RGS13: variants seen among roughly 807,000 people sequenced by gnomAD.
RGS13 encodes regulator of G-protein signalling 13.
A neutral mutation model predicts 19.9 loss-of-function variants in RGS13; 14 were observed. That is an observed-to-expected ratio of 0.70 (90% CI 0.46 to 1.10). RGS13 has a LOEUF of 1.10. Among genes scored for constraint, RGS13 ranks in the 50% least tolerant of loss-of-function variants. RGS13 has a pLI of 0.00. For missense variants in RGS13, 205 were observed against 187.1 expected (o/e 1.10, Z -0.56); for synonymous variants, 60 against 56.8 (o/e 1.06, Z -0.25).
In RGS13 at chr1:192,641,151, A is replaced by G. The variant is rs530562604; in HGVS notation, c.-5+2948A>G. Among the ~76,000 whole-genome samples, 15 of 151,488 alleles carry G rather than the reference A, an allele frequency of 9.9e-5. No homozygotes were observed. In the South Asian group the frequency reaches 1.3e-3, roughly 13 times the overall value. On this transcript the variant is annotated intron_variant, in intron 3 of 6. Coordinates refer to ENST00000391995, the MANE Select transcript of RGS13 (RefSeq NM_002927.5). The stretch of plus-strand genomic sequence containing the variant: ...AAAGATGGAAGGAAGGAAAGAAAGA[A>G]AGAGGAAAGAAAGAGAGAGAAAGAA...
chr1:192,653,544 T>C (rs1161506450), intron 5 of RGS13, among the ~76,000 whole-genome samples: 5 of 152,068 alleles, frequency 3.3e-5, no homozygotes, highest in Admixed American at 3.3e-4. Flanking sequence ...GGATAACTTA[T>C]AACCAAGAAA....
At chr1:192,638,961 C>G (rs897076893) in intron 3 of RGS13, among the ~76,000 whole-genome samples, 5 of 152,160 alleles carry the variant, frequency 3.3e-5, no homozygotes, top group African/African-American at 1.2e-4. Context: ...AACTTAAAGT[C>G]TAGTAGGAGT....
In RGS13 at chr1:192,659,454, C is replaced by T. The variant is rs140851201; in HGVS notation, c.411C>T (p.Tyr137=). The T allele has an allele frequency of 1.2e-3, 1,964 of 1,612,752 alleles. No individual in the cohort carries two copies. The highest frequency in any genetic ancestry group is 1.4e-3 in the Non-Finnish European group (1,708 of 1,179,288). ...IVYMHMERDS[Y]PRFLKSEMYQ... is the part of the protein sequence containing the mutation. ...ATATGCATATGGAAAGGGATTCCTACCCCAGATTTCTAAAGTCAGAAATGT... is the reference window on the plus strand; with the variant it reads ...ATATGCATATGGAAAGGGATTCCTATCCCAGATTTCTAAAGTCAGAAATGT... Residue 137 remains tyrosine (Y), a synonymous_variant, in exon 7 of 7, where the codon TAC becomes TAT. Transcript: ENST00000391995.
intron 5 of RGS13, among the ~76,000 whole-genome samples, chr1:192,652,829 T>A (rs1209173645): frequency 6.6e-6 from 1 of 151,936 alleles, no homozygotes; most frequent in Non-Finnish European, 1.5e-5. Context: ...AGGCACGGGG[T>A]ACATGAAGAT....
At chr1:192,644,290 TA>T (rs1206716174) in intron 3 of RGS13, 40 bp from the exon 4 acceptor site, 1 of 1,370,706 alleles carries the variant, frequency 7.3e-7, no homozygotes, top group Non-Finnish European at 1.0e-6. Context: ...ACAATTATTT[TA>T]AATGATTAAA....
intron 5 of RGS13, among the ~76,000 whole-genome samples, chr1:192,657,946 C>G (rs1275004098): frequency 6.6e-6 from 1 of 152,118 alleles, no homozygotes; most frequent in Non-Finnish European, 1.5e-5. Flanking sequence ...CTCATCCACA[C>G]TGGTGGGCAT....
At chr1:192,638,959 G>A (rs1663059096) in intron 3 of RGS13, among the ~76,000 whole-genome samples, 1 of 152,040 alleles carries the variant, frequency 6.6e-6, no homozygotes, top group Admixed American at 6.6e-5. Context: ...GAAACTTAAA[G>A]TCTAGTAGGA....
chr1:192,656,718 T>C (rs1470277971), intron 5 of RGS13, among the ~76,000 whole-genome samples: 1 of 152,106 alleles, frequency 6.6e-6, no homozygotes, highest in African/African-American at 2.4e-5. Flanking sequence ...TAATAGTCCA[T>C]GTTTCAATTT....
At chr1:192,658,068 A>G in intron 5 of RGS13, 133 bp from the exon 6 acceptor site, 2 of 630,488 alleles carry the variant, frequency 3.2e-6, no homozygotes, top group Non-Finnish European at 5.5e-6. Context: ...ATTGATATAT[A>G]GAGATAGATA....
At position 192,660,046 on chromosome 1, in the gene RGS13, A is replaced by T. The variant is rs1206987769; in HGVS notation, c.*523A>T. ...TTATCTATAAAATTTTCCTACTATT[A>T]TGTTCATTAACAAACTTCTTTATCA... On this transcript the variant is annotated 3_prime_UTR_variant, in exon 7 of 7. Coordinates refer to ENST00000391995, the MANE Select transcript of RGS13 (RefSeq NM_002927.5). The T allele has an allele frequency of 6.6e-6, 1 of 152,094 alleles. No homozygotes were observed. The highest frequency in any genetic ancestry group is 1.5e-5 in the Non-Finnish European group (1 of 67,968). The allele number at this position is 152,094 out of a possible 1,614,324, so 9.4% of individuals were successfully genotyped here.
intron 3 of RGS13, among the ~76,000 whole-genome samples, chr1:192,641,018 G>T (rs1663094542): frequency 6.6e-6 from 1 of 151,646 alleles, no homozygotes; most frequent in Non-Finnish European, 1.5e-5. Context: ...AGACATGCAG[G>T]CCAGAATCAT....
intron 5 of RGS13, 69 bp downstream of exon 5, chr1:192,648,056 G>T: frequency 9.3e-7 from 1 of 1,073,562 alleles, no homozygotes; most frequent in Non-Finnish European, 1.4e-6. Context: ...AGGTGGGGGT[G>T]CCAGATGATG....
Position 192,659,480 on chromosome 1 carries a change from A to G in RGS13, c.437A>G (p.Tyr146Cys). The G allele has an allele frequency of 1.2e-6, 2 of 1,612,624 alleles. No homozygotes were observed. The highest frequency in any genetic ancestry group is 4.5e-5 in the East Asian group (2 of 44,688). Residue 146 changes from tyrosine (Y) to cysteine (C), a missense_variant, in exon 7 of 7, where the codon TAC becomes TGC. Coordinates refer to ENST00000391995, the MANE Select transcript of RGS13 (RefSeq NM_002927.5). ...SYPRFLKSEM[Y>C]QKLLKTMQSN... ...CCCAGATTTCTAAAGTCAGAAATGT[A>G]CCAAAAACTTTTGAAAACTATGCAG...
chr1:192,643,348 T>G (rs1176306795), intron 3 of RGS13, among the ~76,000 whole-genome samples: 1 of 152,180 alleles, frequency 6.6e-6, no homozygotes, highest in African/African-American at 2.4e-5. Context: ...GTATATATGT[T>G]TAACAAACCA....
chr1:192,646,993 G>A (rs368112811), intron 4 of RGS13: 16 of 152,018 alleles, frequency 1.1e-4, no homozygotes, highest in East Asian at 3.9e-4. Flanking sequence ...TGTTTATACC[G>A]TTTAGGTAAA....
chr1:192,658,502 C>A (rs922492315), intron 6 of RGS13, 135 bp downstream of exon 6: 2 of 749,558 alleles, frequency 2.7e-6, no homozygotes, highest in Non-Finnish European at 4.2e-6. Flanking sequence ...TATTGCTAAC[C>A]TTATTTTACA....
chr1:192,649,211 A>T (rs1663273066), intron 5 of RGS13, among the ~76,000 whole-genome samples: 1 of 152,118 alleles, frequency 6.6e-6, no homozygotes, highest in Non-Finnish European at 1.5e-5. Flanking sequence ...ATAGTTTATA[A>T]TCCAATTTGC....
chr1:192,644,478 C>A, intron 4 of RGS13, 79 bp downstream of exon 4: 1 of 1,027,164 alleles, frequency 9.7e-7, no homozygotes, highest in Non-Finnish European at 1.5e-6. Flanking sequence ...TATTAAACTG[C>A]TATTGTAACA....
intron 5 of RGS13, among the ~76,000 whole-genome samples, chr1:192,657,302 CA>C (rs3215733): frequency 1.3e-5 from 2 of 151,190 alleles, no homozygotes; most frequent in South Asian, 2.1e-4. Context: ...CTAGTCTAGT[CA>C]AAAAAAAATT....
Sources: gnomAD v4.1 joint callset for allele counts (sites outside exome capture counted in the v4.1 genomes callset) on GRCh38, gnomAD v4.1.1 for gene constraint, MANE v1.5 for transcripts, NCBI Gene and HGNC (gene_info 2026-07-23, HGNC 2026-07-21) for gene names.